The following RSRP1 variants were observed in gnomAD, a reference collection of about 807,000 sequenced individuals.
RSRP1 encodes arginine and serine rich protein 1, also known as arginine/serine-rich protein 1.
A neutral mutation model predicts 33.0 loss-of-function variants in RSRP1; 37 were observed. The observed-to-expected ratio is 1.12, with a 90% CI of 0.86 to 1.48. RSRP1 has a LOEUF of 1.48. Ranked by LOEUF, RSRP1 falls within the 40% of genes most tolerant of loss-of-function variation. RSRP1 has a pLI of 0.00. For synonymous variants in RSRP1, 167 were observed against 158.7 expected (o/e 1.05, Z -0.40); for missense variants, 402 against 385.3 (o/e 1.04, Z -0.36).
chr1:25,260,758 T>C (rs532249282), intron 1 of RSRP1, among the ~76,000 whole-genome samples: 1 of 151,966 alleles, frequency 6.6e-6, no homozygotes, highest in Admixed American at 6.5e-5. Flanking sequence ...TGTGTCCTCA[T>C]AGAGCCTGTC....
chr1:25,313,296 T>C (rs1160793632), intron 1 of RSRP1, among the ~76,000 whole-genome samples: 1 of 132,192 alleles, frequency 7.6e-6, no homozygotes, highest in Non-Finnish European at 1.8e-5. Context: ...GTTCTTGGAC[T>C]TCCCAGCCTC....
chr1:25,252,619 C>T (rs962682433), intron 1 of RSRP1, among the ~76,000 whole-genome samples: 28 of 151,874 alleles, frequency 1.8e-4, no homozygotes, highest in African/African-American at 3.6e-4. Context: ...CTGCAACCTC[C>T]GCCTCCTGGG....
intron 1 of RSRP1, among the ~76,000 whole-genome samples, chr1:25,292,568 T>C (rs1028765113): frequency 7.9e-6 from 1 of 127,372 alleles, no homozygotes; most frequent in African/African-American, 2.7e-5. Context: ...TTTACTGAGA[T>C]GGGGAATGTT....
rs1643849867 is a variant in RSRP1, at chr1:25,306,519, C to T, written c.-67+31459G>A. 6 of 1,289,428 alleles carry T rather than the reference C, an allele frequency of 4.7e-6. 1 individual carries two copies. The highest frequency in any genetic ancestry group is 6.7e-6 in the Non-Finnish European group (6 of 901,720). 79.9% of individuals were successfully genotyped at this position (1,289,428 alleles called of 1,614,324 possible). Reference sequence around the variant, plus strand: ...CATCCCCCTTTGGTGGCCCCGGATACCAAGGGTGTGTGAAAGGGGTGGGTA... The same window carrying T: ...CATCCCCCTTTGGTGGCCCCGGATATCAAGGGTGTGTGAAAGGGGTGGGTA... On this transcript the variant is annotated intron_variant, in intron 1 of 1. Transcript: ENST00000561867.
rs1180987151 is a variant in RSRP1, at chr1:25,271,753, T to C, written c.-66-24724A>G. Among the ~76,000 whole-genome samples the C allele has an allele frequency of 3.0e-5, 4 of 131,560 alleles. 2 individuals carry two copies. The highest frequency in any genetic ancestry group is 7.2e-5 in the Non-Finnish European group (4 of 55,410). The allele number at this position is 131,560 out of a possible 152,430, so 86.3% of individuals were successfully genotyped here. On this transcript the variant is annotated intron_variant, in intron 1 of 1. Transcript: ENST00000561867. ...TGAGGGATGGGGATGCTGAGGCTGG[T>C]GGCCTTCCTCAAATGCACTGTAGTG... is the stretch of plus-strand genomic sequence containing the variant.
chr1:25,254,333 C>A (rs2124555181), intron 1 of RSRP1, among the ~76,000 whole-genome samples: 1 of 152,308 alleles, frequency 6.6e-6, no homozygotes, highest in Non-Finnish European at 1.5e-5. Flanking sequence ...CTGTTCCCTG[C>A]CATGAATACC....
At chr1:25,264,048 G>C (rs574108851) in intron 1 of RSRP1, among the ~76,000 whole-genome samples, 5 of 152,008 alleles carry the variant, frequency 3.3e-5, no homozygotes, top group African/African-American at 4.8e-5. Flanking sequence ...ATGGTCTTGG[G>C]CAGCTCTGCC....
chr1:25,244,715 C>CG (rs1406896703), intron 3 of RSRP1: 2 of 1,180,248 alleles, frequency 1.7e-6, no homozygotes, highest in African/African-American at 3.2e-5. Flanking sequence ...GACAGGGTCT[C>CG]GCTCTGCTGC....
intron 1 of RSRP1, among the ~76,000 whole-genome samples, chr1:25,283,668 G>T (rs1326498047): frequency 7.5e-6 from 1 of 133,988 alleles, no homozygotes; most frequent in South Asian, 2.2e-4. Context: ...AAACAAGATA[G>T]TCTATGTAAA....
At chr1:25,316,061 T>C (rs1321027388) in intron 1 of RSRP1, among the ~76,000 whole-genome samples, 1 of 131,022 alleles carries the variant, frequency 7.6e-6, no homozygotes, top group African/African-American at 2.6e-5. Flanking sequence ...GCTTGTTATG[T>C]ACAACTATCC....
At chr1:25,263,399 G>A (rs1228298981) in intron 1 of RSRP1, among the ~76,000 whole-genome samples, 3 of 151,858 alleles carry the variant, frequency 2.0e-5, no homozygotes, top group Middle Eastern at 3.2e-3. Flanking sequence ...ACATGGCTGG[G>A]GAGGCCTCAC....
Position 25,336,613 on chromosome 1 carries a change from G to A in RSRP1, c.-67+1365C>T, listed in dbSNP as rs1056148344. On this transcript the variant is annotated intron_variant, in intron 1 of 1. Coordinates refer to the RSRP1 transcript ENST00000561867. ...GGCCAGAAAAGAGAAAAAAGGGTAG[G>A]GGCAAAAAACGCAAAGAGAAAGGAG... Among the ~76,000 whole-genome samples, 9 of 149,472 alleles carry A rather than the reference G, an allele frequency of 6.0e-5. 1 individual carries two copies. The highest frequency in any genetic ancestry group is 2.0e-4 in the Admixed American group (3 of 15,204).
rs548595413 is a variant in RSRP1, at chr1:25,300,883, T to A, written c.-67+37095A>T. On this transcript the variant is annotated intron_variant, in intron 1 of 1. Transcript: ENST00000561867. Reference sequence around the variant, plus strand: ...GAAGCTCTGAACTTTCTCCAAGGACTATCAGGGCTTGCCCCGGGCAGAGGA... The same window carrying A: ...GAAGCTCTGAACTTTCTCCAAGGACAATCAGGGCTTGCCCCGGGCAGAGGA... The A allele has an allele frequency of 9.0e-5, 122 of 1,354,360 alleles. 17 individuals are homozygous for A. The South Asian group carries it at 1.4e-3, about 15-fold the overall frequency. 83.9% of individuals were successfully genotyped at this position (1,354,360 alleles called of 1,614,324 possible).
Position 25,246,694 on chromosome 1 carries a change from G to A in RSRP1, c.270C>T (p.Ser90=). 6.2e-7 allele frequency: 1 copy of A among 1,608,184 alleles called. No individual in the cohort carries two copies. The highest frequency in any genetic ancestry group is 8.5e-7 in the Non-Finnish European group (1 of 1,175,694). The stretch of plus-strand genomic sequence containing the variant: ...CGTAGCGCCTCTCTCGGTAACGGCG[G>A]CTGCGGGATCGCGACCGGCTCCGCG... ...SYSRSRSRSR[S]RRYRERRYGF... is the part of the protein sequence containing the mutation. The change falls in exon 2 of 5, where the codon AGC becomes AGT. Residue 90 remains serine, a synonymous_variant. Coordinates refer to ENST00000243189, the MANE Select transcript of RSRP1 (RefSeq NM_020317.5).
At chr1:25,244,681 G>GA in intron 3 of RSRP1, 3 of 1,194,448 alleles carry the variant, frequency 2.5e-6, no homozygotes, top group Non-Finnish European at 3.2e-6. Context: ...AACTGAAAAT[G>GA]AAAAAAATAA....
chr1:25,255,759 A>C (rs1255078475), intron 1 of RSRP1, among the ~76,000 whole-genome samples: 1 of 152,202 alleles, frequency 6.6e-6, no homozygotes. Context: ...ACAGTGACAG[A>C]TCATTAAGCA....
chr1:25,245,704 G>C (rs1262303424), intron 2 of RSRP1, among the ~76,000 whole-genome samples: 1 of 152,024 alleles, frequency 6.6e-6, no homozygotes, highest in Non-Finnish European at 1.5e-5. Flanking sequence ...AATTAGTTTT[G>C]TTTTCTTGAC....
At chr1:25,329,237 G>GTT (rs71014352) in intron 1 of RSRP1, 21,212 of 223,958 alleles carry the variant, frequency 0.095, 123 homozygotes, top group South Asian at 0.14. Flanking sequence ...ATTATTCCTT[G>GTT]TTTTTTTTTT....
At chr1:25,321,812 C>T (rs1270994446) in intron 1 of RSRP1, 2 of 785,920 alleles carry the variant, frequency 2.5e-6, no homozygotes, top group African/African-American at 1.6e-5. Context: ...CGTTTTGACA[C>T]ACAATATTTC....
Sources: allele counts gnomAD v4.1 joint callset (sites outside exome capture counted in the v4.1 genomes callset), GRCh38; gene constraint gnomAD v4.1.1; transcripts MANE v1.5; gene names NCBI Gene and HGNC (gene_info 2026-07-23, HGNC 2026-07-21).